Variants in LOC128462377 observed in about 807,000 individuals in gnomAD.
At chr16:89,384,799 C>T in the LOC128462377 span, among the ~76,000 whole-genome samples, 44 of 151,710 alleles carry the variant, frequency 2.9e-4, 1 homozygote, top group South Asian at 9.2e-3. Flanking sequence ...CACTAGACAG[C>T]CCAACAACAG....
chr16:89,395,455 G>C, the LOC128462377 span, among the ~76,000 whole-genome samples: 1 of 152,360 alleles, frequency 6.6e-6, no homozygotes, highest in East Asian at 1.9e-4. Context: ...CCAGCCCACG[G>C]CTGGGACACG....
chr16:89,319,436 C>T, the LOC128462377 span, among the ~76,000 whole-genome samples: 6 of 152,244 alleles, frequency 3.9e-5, no homozygotes, highest in Non-Finnish European at 7.3e-5. Context: ...GCGAACACTC[C>T]GGGGACTCGG....
At chr16:89,369,936 A>G in the LOC128462377 span, among the ~76,000 whole-genome samples, 4 of 152,070 alleles carry the variant, frequency 2.6e-5, no homozygotes, top group Admixed American at 2.6e-4. Context: ...AAAACCAAAC[A>G]CGGGGGGCCC....
the LOC128462377 span, among the ~76,000 whole-genome samples, chr16:89,366,196 G>A: frequency 2.0e-5 from 3 of 150,888 alleles, no homozygotes; most frequent in African/African-American, 7.3e-5. Context: ...ATTCCACGGT[G>A]TATATGCACC....
chr16:89,342,852 C>A, the LOC128462377 span, among the ~76,000 whole-genome samples: 8 of 152,096 alleles, frequency 5.3e-5, no homozygotes, highest in Non-Finnish European at 1.0e-4. Context: ...TTTCTGTGAT[C>A]GTTTATGCCC....
the LOC128462377 span, among the ~76,000 whole-genome samples, chr16:89,335,821 A>T: frequency 6.6e-6 from 1 of 152,184 alleles, no homozygotes; most frequent in Non-Finnish European, 1.5e-5. Context: ...TGACCCAGAG[A>T]GTACCTGTGA....
At chr16:89,371,716 G>C in the LOC128462377 span, among the ~76,000 whole-genome samples, 9 of 152,160 alleles carry the variant, frequency 5.9e-5, no homozygotes, top group South Asian at 2.1e-4. Context: ...AGGTGGTCTC[G>C]GGTGTGGAGG....
the LOC128462377 span, among the ~76,000 whole-genome samples, chr16:89,347,121 CGTT>C: frequency 6.6e-6 from 1 of 152,060 alleles, no homozygotes; most frequent in African/African-American, 2.4e-5. Context: ...AGGTGTCTCT[CGTT>C]GGTCCGGGCA....
chr16:89,383,873 G>C, the LOC128462377 span, among the ~76,000 whole-genome samples: 3 of 152,186 alleles, frequency 2.0e-5, no homozygotes, highest in Non-Finnish European at 4.4e-5. Flanking sequence ...CCAAGCTCCA[G>C]TCATACCTCT....
the LOC128462377 span, among the ~76,000 whole-genome samples, chr16:89,329,343 G>T: frequency 6.6e-6 from 1 of 152,184 alleles, no homozygotes; most frequent in South Asian, 2.1e-4. Flanking sequence ...AGGGCACAAG[G>T]GATGCTGCTA....
At chr16:89,346,866 C>A in the LOC128462377 span, among the ~76,000 whole-genome samples, 1 of 152,126 alleles carries the variant, frequency 6.6e-6, no homozygotes, top group Non-Finnish European at 1.5e-5. Context: ...AAACAAAAAG[C>A]AAACATGTAA....
the LOC128462377 span, among the ~76,000 whole-genome samples, chr16:89,405,364 C>A: frequency 2.0e-5 from 3 of 152,178 alleles, no homozygotes; most frequent in African/African-American, 7.2e-5. Context: ...GGCTCTGTCA[C>A]GCAGGCTAGA....
chr16:89,403,806 G>A, the LOC128462377 span: 7 of 152,230 alleles, frequency 4.6e-5, no homozygotes, highest in Admixed American at 2.0e-4. Flanking sequence ...GGTGACATGC[G>A]TCTGGAGTCC....
At chr16:89,335,606 G>A in the LOC128462377 span, among the ~76,000 whole-genome samples, 1 of 152,136 alleles carries the variant, frequency 6.6e-6, no homozygotes, top group Non-Finnish European at 1.5e-5. Flanking sequence ...GGGAACCTTT[G>A]GTTTGCAAAG....
the LOC128462377 span, among the ~76,000 whole-genome samples, chr16:89,317,862 T>C: frequency 2.0e-5 from 3 of 152,218 alleles, no homozygotes; most frequent in Non-Finnish European, 4.4e-5. Context: ...AATTCCTAGA[T>C]AGCCAAGGGC....
At chr16:89,324,585 A>T in the LOC128462377 span, 1 of 450,850 alleles carries the variant, frequency 2.2e-6, no homozygotes, top group Non-Finnish European at 4.5e-6. Context: ...GGGGGGCATG[A>T]TCTCATCAGC....
At chr16:89,327,946 A>G in the LOC128462377 span, among the ~76,000 whole-genome samples, 13 of 152,382 alleles carry the variant, frequency 8.5e-5, no homozygotes, top group Non-Finnish European at 1.8e-4. Context: ...GAGTGAAAAG[A>G]CAAACTGCAG....
At chr16:89,368,917 G>A in the LOC128462377 span, among the ~76,000 whole-genome samples, 1 of 152,080 alleles carries the variant, frequency 6.6e-6, no homozygotes, top group African/African-American at 2.4e-5. Flanking sequence ...TAAAAAATGG[G>A]CACACAGAAC....
At chr16:89,350,089 A>C in the LOC128462377 span, among the ~76,000 whole-genome samples, 1 of 152,344 alleles carries the variant, frequency 6.6e-6, no homozygotes, top group African/African-American at 2.4e-5. Context: ...AAAAAGCCAC[A>C]TGAAAAGACA....
Sources: allele counts gnomAD v4.1 joint callset (sites outside exome capture counted in the v4.1 genomes callset), GRCh38; gene constraint gnomAD v4.1.1; transcripts MANE v1.5.